OR10J1: variants seen among roughly 807,000 people sequenced by gnomAD.
The protein encoded by OR10J1 is olfactory receptor 10J1.
For missense variants in OR10J1, 474 were observed against 376.6 expected, an observed-to-expected ratio of 1.26 and a Z score of -2.14; for synonymous variants, 202 against 143.8, an observed-to-expected ratio of 1.40 and a Z score of -2.89.
At chr1:159,424,775 T>C in the OR10J1 span, among the ~76,000 whole-genome samples, 1 of 151,960 alleles carries the variant, frequency 6.6e-6, no homozygotes, top group African/African-American at 2.4e-5. Flanking sequence ...CCAACAAATA[T>C]GAGTTCCAAA....
At chr1:159,422,289 C>T in the OR10J1 span, among the ~76,000 whole-genome samples, 298 of 152,198 alleles carry the variant, frequency 2.0e-3, 3 homozygotes, top group East Asian at 0.02. Context: ...CAGAAGAATG[C>T]TTAGATGGGG....
chr1:159,398,861 T>G, the OR10J1 span, among the ~76,000 whole-genome samples: 1 of 151,810 alleles, frequency 6.6e-6, no homozygotes, highest in Non-Finnish European at 1.5e-5. Flanking sequence ...GAGGTAGGGG[T>G]AGAATGTTTA....
chr1:159,439,869 C>G lies in OR10J1; in HGVS notation c.78C>G (p.Thr26=). ...CTAGCTTCCATGAGCAGCAGATCAC[C>G]CTTTTTGGCGTGTTCCTTGCACTAT... ...GFSSFHEQQI[T]LFGVFLALYI... Residue 26 remains threonine, a synonymous_variant, in exon 1 of 1, where the codon ACC becomes ACG. Coordinates refer to ENST00000423932, the MANE Select transcript of OR10J1 (RefSeq NM_012351.3). 3 of 1,614,150 alleles carry G rather than the reference C, an allele frequency of 1.9e-6. No individual in the cohort carries two copies. Among genetic ancestry groups the G allele is most frequent in the Non-Finnish European group, 2.5e-6 (3 of 1,180,008 alleles).
At chr1:159,412,749 GGC>G in the OR10J1 span, among the ~76,000 whole-genome samples, 47 of 151,860 alleles carry the variant, frequency 3.1e-4, no homozygotes, top group Non-Finnish European at 5.9e-4. Flanking sequence ...AGAAAACCTA[GGC>G]GTTACCATTC....
the OR10J1 span, among the ~76,000 whole-genome samples, chr1:159,412,639 G>A: frequency 6.6e-6 from 1 of 151,452 alleles, no homozygotes; most frequent in Non-Finnish European, 1.5e-5. Flanking sequence ...GCCATATGTA[G>A]AAAGCTGAAA....
Position 159,440,178 on chromosome 1 carries a change from C to A in OR10J1, c.387C>A (p.Pro129=). The part of the protein sequence containing the change: ...GYDRYVAICN[P]LRYMVIMNKR... The stretch of plus-strand genomic sequence containing the variant: ...ACCGCTATGTGGCCATCTGCAACCC[C>A]CTGAGATACATGGTTATTATGAACA... The change falls in exon 1 of 1, where the codon CCC becomes CCA. Residue 129 remains proline, a synonymous_variant. Transcript: ENST00000423932. The A allele has an allele frequency of 6.2e-7, 1 of 1,614,150 alleles. No individual in the cohort carries two copies. The highest frequency in any genetic ancestry group is 8.5e-7 in the Non-Finnish European group (1 of 1,180,016).
chr1:159,418,230 A>C, the OR10J1 span, among the ~76,000 whole-genome samples: 1 of 152,192 alleles, frequency 6.6e-6, no homozygotes, highest in Non-Finnish European at 1.5e-5. Context: ...GCCAAATGTT[A>C]ATTGCCAAGA....
chr1:159,405,834 A>T, the OR10J1 span: 1 of 993,300 alleles, frequency 1.0e-6, no homozygotes, highest in Non-Finnish European at 1.6e-6. Context: ...GGGGTCTCAC[A>T]TCACAGAAGA....
chr1:159,421,178 A>G, the OR10J1 span, among the ~76,000 whole-genome samples: 1 of 152,016 alleles, frequency 6.6e-6, no homozygotes, highest in Non-Finnish European at 1.5e-5. Flanking sequence ...GATCTAGTCT[A>G]TTGCTGAAGA....
the OR10J1 span, among the ~76,000 whole-genome samples, chr1:159,419,290 G>C: frequency 6.6e-6 from 1 of 152,132 alleles, no homozygotes; most frequent in Non-Finnish European, 1.5e-5. Flanking sequence ...TTAAATTATA[G>C]CTCCCATAAT....
the OR10J1 span, among the ~76,000 whole-genome samples, chr1:159,410,438 C>A: frequency 6.6e-6 from 1 of 151,934 alleles, no homozygotes; most frequent in African/African-American, 2.4e-5. Flanking sequence ...AGGGTGTATG[C>A]GTCAAGGAAT....
rs749340279 is a variant in OR10J1, at chr1:159,440,650, G to T, written c.859G>T (p.Val287Leu). 1.2e-6 allele frequency: 2 copies of T among 1,613,782 alleles called. No homozygotes were observed. Among genetic ancestry groups the T allele is most frequent in the Non-Finnish European group, 1.7e-6 (2 of 1,179,988 alleles). The change falls in exon 1 of 1, where the codon GTG (valine) becomes TTG (leucine). Residue 287 changes from valine (V) to leucine (L), a missense_variant. Coordinates refer to ENST00000423932, the MANE Select transcript of OR10J1 (RefSeq NM_012351.3). ...TGTCATCACTCCCCTACTGAACCCTGTGGTATACACCCTGAGAAATAAAGA... is the reference window on the plus strand; with the variant it reads ...TGTCATCACTCCCCTACTGAACCCTTTGGTATACACCCTGAGAAATAAAGA... ...YTVITPLLNP[V>L]VYTLRNKEVK...
chr1:159,429,575 G>T, the OR10J1 span, among the ~76,000 whole-genome samples: 1 of 152,212 alleles, frequency 6.6e-6, no homozygotes, highest in Non-Finnish European at 1.5e-5. Context: ...AGTACTAGTT[G>T]TATGATTGTT....
the OR10J1 span, among the ~76,000 whole-genome samples, chr1:159,408,746 G>C: frequency 6.6e-6 from 1 of 151,966 alleles, no homozygotes; most frequent in African/African-American, 2.4e-5. Context: ...ATATTGTGAG[G>C]CTCAAATGAG....
At chr1:159,422,519 G>T in the OR10J1 span, among the ~76,000 whole-genome samples, 1 of 152,138 alleles carries the variant, frequency 6.6e-6, no homozygotes, top group African/African-American at 2.4e-5. Flanking sequence ...TCTGCCCATG[G>T]TTCCCACCTT....
chr1:159,425,876 A>G, the OR10J1 span, among the ~76,000 whole-genome samples: 2 of 152,054 alleles, frequency 1.3e-5, no homozygotes, highest in Non-Finnish European at 2.9e-5. Flanking sequence ...TGCATAACAT[A>G]AGAAACAGGT....
At chr1:159,433,609 T>C (rs1341866337), upstream of OR10J1, among the ~76,000 whole-genome samples, 1 of 152,184 alleles carries the variant, frequency 6.6e-6, no homozygotes, top group Non-Finnish European at 1.5e-5. Context: ...CTCCATTAGA[T>C]CAGGCTGAAG....
At chr1:159,429,839 A>G in the OR10J1 span, among the ~76,000 whole-genome samples, 1 of 152,146 alleles carries the variant, frequency 6.6e-6, no homozygotes, top group East Asian at 1.9e-4. Context: ...AAATTAACTG[A>G]AAGGTCCTGG....
At chr1:159,427,025 G>T in the OR10J1 span, among the ~76,000 whole-genome samples, 2 of 151,840 alleles carry the variant, frequency 1.3e-5, no homozygotes, top group Non-Finnish European at 2.9e-5. Flanking sequence ...AGGTTATGTA[G>T]TTAGTGAGTG....
Sources: allele counts gnomAD v4.1 joint callset (sites outside exome capture counted in the v4.1 genomes callset), GRCh38; gene constraint gnomAD v4.1.1; transcripts MANE v1.5; gene names NCBI Gene and HGNC (gene_info 2026-07-23, HGNC 2026-07-21).